The following HERPUD1 variants were observed in gnomAD, a reference collection of about 807,000 sequenced individuals.
The protein encoded by HERPUD1 is homocysteine-responsive endoplasmic reticulum-resident ubiquitin-like domain member 1 protein.
Under a neutral mutation model 45.0 loss-of-function variants are expected in HERPUD1, and 17 were observed. That is an observed-to-expected ratio of 0.38 (90% CI 0.26 to 0.57). HERPUD1 has a LOEUF of 0.57. Among genes scored for constraint, HERPUD1 ranks in the 20% least tolerant of loss-of-function variants. The pLI, the probability that HERPUD1 is intolerant of heterozygous loss-of-function variation, is 0.72. For missense variants in HERPUD1, 420 were observed against 490.5 expected, an observed-to-expected ratio of 0.86 and a Z score of 1.36; for synonymous variants, 164 against 177.5, an observed-to-expected ratio of 0.92 and a Z score of 0.61.
At chr16:56,936,600 G>C (rs2055868198) in intron 3 of HERPUD1, 87 bp from the exon 4 acceptor site, 2 of 1,314,282 alleles carry the variant, frequency 1.5e-6, no homozygotes, top group South Asian at 4.1e-5. Context: ...GGAGATGTAA[G>C]CCCTTGACAG....
chr16:56,932,254 G>C lies in HERPUD1; in HGVS notation c.10G>C (p.Glu4Gln). 6.2e-7 allele frequency: 1 copy of C among 1,608,270 alleles called. No homozygotes were observed. The highest frequency in any genetic ancestry group is 8.5e-7 in the Non-Finnish European group (1 of 1,179,426). Residue 4 changes from glutamate to glutamine, a missense_variant, in exon 1 of 8, where the codon GAG (glutamate) becomes CAG (glutamine). Glu to Gln is a conservative substitution (Grantham distance 29, BLOSUM62 2). Transcript: ENST00000439977. MES[E>Q]TEPEPVTLLV... ...CACCGCCGCCGCCGCCATGGAGTCC[G>C]AGACCGAACCCGAGCCCGTCACGCT...
rs2518054 is a variant in HERPUD1, at chr16:56,943,986, G to A, written c.*696G>A. ...ACCTGAATGCTTGTTTTTCAGAAGA[G>A]GACTGTTTGTGCCGGTAAGAATGAT... On this transcript the variant is annotated 3_prime_UTR_variant, in exon 8 of 8. Coordinates refer to ENST00000439977, the MANE Select transcript of HERPUD1 (RefSeq NM_014685.4). 18,912 of 172,048 alleles carry A rather than the reference G, an allele frequency of 0.11. 1,415 individuals carry two copies. The highest frequency in any genetic ancestry group is 0.26 in the East Asian group (2,335 of 8,882). 10.7% of individuals were successfully genotyped at this position (172,048 alleles called of 1,614,324 possible).
Position 56,940,142 on chromosome 16 carries a change from A to T in HERPUD1, c.802A>T (p.Thr268Ser). The change falls in exon 6 of 8, where the codon ACC becomes TCC. Residue 268 changes from threonine (T) to serine (S), a missense_variant. Coordinates refer to ENST00000439977, the MANE Select transcript of HERPUD1 (RefSeq NM_014685.4). ...DEINRDWLDWTYSAATFSVFL... is the reference protein window; with the variant it reads ...DEINRDWLDWSYSAATFSVFL... ...AATAAATCGAGATTGGTTGGATTGG[A>T]CCTATTCAGCAGCTACATTTTCTGT... The T allele has an allele frequency of 6.2e-7, 1 of 1,614,132 alleles. No individual in the cohort carries two copies. The highest frequency in any genetic ancestry group is 8.5e-7 in the Non-Finnish European group (1 of 1,180,004).
chr16:56,939,000 A>G, intron 4 of HERPUD1: 1 of 560,028 alleles, frequency 1.8e-6, no homozygotes, highest in Admixed American at 3.2e-5. Context: ...CTCAGCAAGC[A>G]GGTGGCAAGG....
chr16:56,935,529 G>A (rs1158293245), intron 3 of HERPUD1, 54 bp downstream of exon 3: 1 of 1,435,552 alleles, frequency 7.0e-7, no homozygotes, highest in Non-Finnish European at 9.8e-7. Context: ...ACTTTCAGGG[G>A]AGTAATAAAA....
rs75452491 is a variant in HERPUD1, at chr16:56,942,254, G to A, written c.1011+17G>A. 4,387 of 1,572,810 alleles carry A rather than the reference G, an allele frequency of 2.8e-3. 122 individuals carry two copies. In the African/African-American group the frequency reaches 0.053, roughly 19 times the overall value. ...AACTTACAGGTATGGAGCCTCCCAC[G>A]AAGCCCAGGCGAGCTTGACGTGATA... On this transcript the variant is annotated intron_variant, in intron 7 of 7. Transcript: ENST00000439977.
In HERPUD1 at chr16:56,943,729, C is replaced by T. The variant is rs1288546763; in HGVS notation, c.*439C>T. The T allele has an allele frequency of 4.0e-5, 10 of 252,060 alleles. No individual in the cohort carries two copies. The highest frequency in any genetic ancestry group is 7.9e-6 in the Non-Finnish European group (1 of 126,542). 15.6% of individuals were successfully genotyped at this position (252,060 alleles called of 1,614,324 possible). On this transcript the variant is annotated 3_prime_UTR_variant, in exon 8 of 8. Coordinates refer to ENST00000439977, the MANE Select transcript of HERPUD1 (RefSeq NM_014685.4). Reference sequence around the variant, plus strand: ...CTACTTTATATAATCAATGAAATTGCTAGACATGTTTTAGCAGGACTTTTC... The same window carrying T: ...CTACTTTATATAATCAATGAAATTGTTAGACATGTTTTAGCAGGACTTTTC...
chr16:56,935,069 T>A, intron 1 of HERPUD1, 166 bp from the exon 2 acceptor site: 1 of 601,236 alleles, frequency 1.7e-6, no homozygotes, highest in East Asian at 2.8e-5. Flanking sequence ...GTTAAGACAC[T>A]TTCTAAATAG....
chr16:56,937,920 A>G (rs1467884527), intron 4 of HERPUD1, among the ~76,000 whole-genome samples: 3 of 152,024 alleles, frequency 2.0e-5, no homozygotes, highest in Admixed American at 6.6e-5. Context: ...TAATTATTGG[A>G]TAGAAAATTA....
Position 56,932,350 on chromosome 16 carries a change from C to G in HERPUD1, c.106C>G (p.His36Asp). The G allele has an allele frequency of 6.2e-7, 1 of 1,600,110 alleles. No individual in the cohort carries two copies. Among genetic ancestry groups the G allele is most frequent in the Middle Eastern group, 1.8e-4 (1 of 5,692 alleles). The change falls in exon 1 of 8, where the codon CAC becomes GAC. Residue 36 changes from histidine (H) to aspartate (D), a missense_variant. By Grantham distance (81) the His-to-Asp change is moderately conservative. Coordinates refer to ENST00000439977, the MANE Select transcript of HERPUD1 (RefSeq NM_014685.4). ...TGGCGACCGCGGCTGGAGTGTGGGCCACCTCAAGGCCCACCTGAGCCGCGT... is the reference window on the plus strand; with the variant it reads ...TGGCGACCGCGGCTGGAGTGTGGGCGACCTCAAGGCCCACCTGAGCCGCGT... ...LSGDRGWSVG[H>D]LKAHLSRVYP...
chr16:56,943,640 T>A lies in HERPUD1; in HGVS notation c.*350T>A, dbSNP rs189362224. 10 of 415,690 alleles carry A rather than the reference T, an allele frequency of 2.4e-5. No homozygotes were observed. The Admixed American group carries it at 3.6e-4, about 15-fold the overall frequency. 25.8% of individuals were successfully genotyped at this position (415,690 alleles called of 1,614,324 possible). On this transcript the variant is annotated 3_prime_UTR_variant, in exon 8 of 8. Coordinates refer to ENST00000439977, the MANE Select transcript of HERPUD1 (RefSeq NM_014685.4). Reference sequence around the variant, plus strand: ...TGTGTTTGTACATAGAAGTCATAGATGCAGAAGTGGTTCTGCTGGTACGAT... The same window carrying A: ...TGTGTTTGTACATAGAAGTCATAGAAGCAGAAGTGGTTCTGCTGGTACGAT...
chr16:56,937,666 A>G (rs760433433), intron 4 of HERPUD1, among the ~76,000 whole-genome samples: 38 of 150,890 alleles, frequency 2.5e-4, no homozygotes, highest in Non-Finnish European at 7.4e-5. Flanking sequence ...GCATCATGTT[A>G]TTTCATCCCT....
chr16:56,942,469 A>AT (rs1360572053), intron 7 of HERPUD1, among the ~76,000 whole-genome samples: 1 of 152,170 alleles, frequency 6.6e-6, no homozygotes, highest in East Asian at 1.9e-4. Context: ...AGTAAATAAC[A>AT]TTTTTTTAAA....
rs145901102 is a variant in HERPUD1 at position 56,942,124 on chromosome 16, C to A, written c.906-8C>A. 1,277 of 1,610,770 alleles carry A rather than the reference C, an allele frequency of 7.9e-4. 10 individuals carry two copies. The African/African-American group carries it at 0.015, about 19-fold the overall frequency. On this transcript the variant is annotated splice_polypyrimidine_tract_variant and splice_region_variant and intron_variant, in intron 6 of 7. Transcript: ENST00000439977. ...GCTAAGATGGACTTTTATGTGCTTC[C>A]TTTGAAGGCATCACGTTGGGTGGTT...
chr16:56,936,750 A>C lies in HERPUD1; in HGVS notation c.364A>C (p.Ser122Arg). The C allele has an allele frequency of 6.2e-7, 1 of 1,614,080 alleles. No homozygotes were observed. Among genetic ancestry groups the C allele is most frequent in the Non-Finnish European group, 8.5e-7 (1 of 1,179,954 alleles). ...GGGACAGTATCCTGAGGATTCCTCA[A>C]GTGATGGTTTAAGGCAAAGGGAAGT... The part of the protein sequence containing the change: ...NRGQYPEDSS[S>R]DGLRQREVLR... Residue 122 changes from serine (S) to arginine (R), a missense_variant, in exon 4 of 8, where the codon AGT becomes CGT. Transcript: ENST00000439977.
chr16:56,939,198 AC>A (rs2055889524), intron 4 of HERPUD1, 38 bp from the exon 5 acceptor site: 1 of 1,606,074 alleles, frequency 6.2e-7, no homozygotes, highest in African/African-American at 1.3e-5. Flanking sequence ...TTCATACTCA[AC>A]CCACTCAAAA....
At chr16:56,932,430 C>A (rs556493837) in intron 1 of HERPUD1, 39 bp downstream of exon 1, 559 of 1,485,604 alleles carry the variant, frequency 3.8e-4, no homozygotes, top group Non-Finnish European at 4.5e-4. Context: ...AGGCTGTGGC[C>A]CCCCGCCCTC....
At chr16:56,943,026 G>T in intron 7 of HERPUD1, 100 bp from the exon 8 acceptor site, 2 of 1,233,972 alleles carry the variant, frequency 1.6e-6, no homozygotes, top group South Asian at 1.3e-5. Context: ...GGGGCAGGGG[G>T]CAGGGATTTA....
chr16:56,942,751 G>A (rs1318136324), intron 7 of HERPUD1, among the ~76,000 whole-genome samples: 2 of 152,160 alleles, frequency 1.3e-5, no homozygotes, highest in Admixed American at 1.3e-4. Flanking sequence ...AGGCTGAGGC[G>A]GAAGGATGGC....
Sources: allele counts gnomAD v4.1 joint callset (sites outside exome capture counted in the v4.1 genomes callset), GRCh38; gene constraint gnomAD v4.1.1; transcripts MANE v1.5; gene names NCBI Gene and HGNC (gene_info 2026-07-23, HGNC 2026-07-21).